Variants in FLT3 observed in about 807,000 individuals in gnomAD.
FLT3 encodes fms related receptor tyrosine kinase 3, also known as receptor-type tyrosine-protein kinase FLT3.
Under a neutral mutation model 126.6 loss-of-function variants are expected in FLT3, and 46 were observed. That is an observed-to-expected ratio of 0.36 (90% CI 0.29 to 0.46). The LOEUF (loss-of-function observed/expected upper bound fraction) is 0.46, where lower values mean the gene tolerates loss of function less well. Ranked by LOEUF, FLT3 falls within the 20% of genes least tolerant of loss-of-function variation. The probability of loss-of-function intolerance (pLI) is 1.00; values close to 1 mark genes in which losing one functional copy is unlikely to be tolerated. For synonymous variants in FLT3, 404 were observed against 434.4 expected (o/e 0.93, Z 0.87); for missense variants, 1,069 against 1,190.3 (o/e 0.90, Z 1.50).
chr13:28,023,691 C>T (rs1176057619), intron 18 of FLT3, among the ~76,000 whole-genome samples: 1 of 152,156 alleles, frequency 6.6e-6, no homozygotes, highest in African/African-American at 2.4e-5. Context: ...TTTGGAACTG[C>T]TTTGATGACC....
intron 1 of FLT3, among the ~76,000 whole-genome samples, chr13:28,071,990 C>T (rs1593288721): frequency 6.6e-6 from 1 of 152,066 alleles, no homozygotes; most frequent in Non-Finnish European, 1.5e-5. Context: ...TGCTTTAAAG[C>T]TCTCAAAGTT....
chr13:28,074,163 G>C (rs1877770210), intron 1 of FLT3, among the ~76,000 whole-genome samples: 1 of 151,914 alleles, frequency 6.6e-6, no homozygotes, highest in Admixed American at 6.6e-5. Context: ...AGTATGAACT[G>C]TTTTTTTATA....
intron 19 of FLT3, among the ~76,000 whole-genome samples, chr13:28,019,016 G>A (rs1872145680): frequency 3.4e-5 from 5 of 147,532 alleles, no homozygotes. Flanking sequence ...TCCCCAGGCT[G>A]GAGTGCAATG....
At chr13:28,008,242 G>C (rs1306851951) in intron 23 of FLT3, among the ~76,000 whole-genome samples, 1 of 113,820 alleles carries the variant, frequency 8.8e-6, no homozygotes, top group African/African-American at 3.4e-5. Context: ...TTGATTCCAG[G>C]AATTTGAGGC....
chr13:28,085,896 T>G (rs1878644746), intron 1 of FLT3, among the ~76,000 whole-genome samples: 1 of 152,162 alleles, frequency 6.6e-6, no homozygotes, highest in South Asian at 2.1e-4. Context: ...GCAGATCATT[T>G]GAGCCCAGGA....
At position 28,028,257 on chromosome 13, in the gene FLT3, G is replaced by A. The variant is rs1169217865; in HGVS notation, c.1974C>T (p.Leu658=). The A allele has an allele frequency of 1.2e-6, 2 of 1,605,760 alleles. No homozygotes were observed. The highest frequency in any genetic ancestry group is 1.3e-5 in the African/African-American group (1 of 74,750). The change falls in exon 16 of 24, where the codon CTC becomes CTT. Residue 658 remains leucine (L), a synonymous_variant. Coordinates refer to ENST00000241453, the MANE Select transcript of FLT3 (RefSeq NM_004119.3). The part of the protein sequence containing the change: ...EKADSSEREA[L]MSELKMMTQL... ...GGGTCATCATCTTGAGTTCTGACAT[G>A]AGTGCCTCTCTTTCAGAGCTGTCTG...
At chr13:28,034,803 A>G (rs891504505) in intron 12 of FLT3, among the ~76,000 whole-genome samples, 9 of 152,048 alleles carry the variant, frequency 5.9e-5, no homozygotes, top group Non-Finnish European at 2.9e-5. Context: ...AAAATTCAAA[A>G]ATTAGCTGGG....
In FLT3 at chr13:28,003,840, ATCAGCTCC is replaced by A; in HGVS notation, c.*204_*211del. 1 of 584,526 alleles carries A rather than the reference ATCAGCTCC, an allele frequency of 1.7e-6. No individual in the cohort carries two copies. The highest frequency in any genetic ancestry group is 3.0e-6 in the Non-Finnish European group (1 of 333,470). 36.2% of individuals were successfully genotyped at this position (584,526 alleles called of 1,614,324 possible). A position where few individuals can be genotyped will look rare whatever the true frequency, so the allele number is the denominator to read the frequency against. On this transcript the variant is annotated 3_prime_UTR_variant, in exon 24 of 24. Transcript: ENST00000241453. ...GATCAATGCTCCAATAAAGTTCATT[ATCAGCTCC>A]TCCTGCCTTGTGACAGGATGATTTG... is the stretch of plus-strand genomic sequence containing the variant.
chr13:28,021,241 T>G (rs549536120), intron 19 of FLT3, among the ~76,000 whole-genome samples: 1 of 152,092 alleles, frequency 6.6e-6, no homozygotes, highest in South Asian at 2.1e-4. Context: ...TACAAAAAAA[T>G]TAGCCAGGTG....
chr13:28,012,138 T>G (rs1457628232), intron 23 of FLT3, among the ~76,000 whole-genome samples: 3 of 152,176 alleles, frequency 2.0e-5, no homozygotes, highest in Non-Finnish European at 4.4e-5. Context: ...TACCATTTTC[T>G]CTGGGTGCTT....
chr13:28,018,723 A>C, intron 19 of FLT3, 134 bp from the exon 20 acceptor site: 2 of 878,038 alleles, frequency 2.3e-6, no homozygotes, highest in Non-Finnish European at 3.5e-6. Flanking sequence ...CTGTGCCGTG[A>C]GCGGCCATGA....
At chr13:28,021,307 T>C (rs778189807) in intron 19 of FLT3, among the ~76,000 whole-genome samples, 2 of 152,134 alleles carry the variant, frequency 1.3e-5, no homozygotes, top group Non-Finnish European at 2.9e-5. Context: ...GGAGGATCGC[T>C]TGAACCTGGG....
At chr13:28,056,189 G>A (rs1419446762) in intron 4 of FLT3, among the ~76,000 whole-genome samples, 1 of 152,146 alleles carries the variant, frequency 6.6e-6, no homozygotes, top group Admixed American at 6.5e-5. Context: ...GCAGTGTGGT[G>A]CAGAAAGCCT....
chr13:28,044,201 C>A (rs1874654533), intron 9 of FLT3, among the ~76,000 whole-genome samples: 1 of 149,516 alleles, frequency 6.7e-6, no homozygotes, highest in South Asian at 2.1e-4. Context: ...GTAATCCCAG[C>A]ACTTTGGCAG....
chr13:28,004,189 G>A lies in FLT3; in HGVS notation c.2860-15C>T, dbSNP rs376024436. On this transcript the variant is annotated splice_polypyrimidine_tract_variant and intron_variant, in intron 23 of 23. Transcript: ENST00000241453. Reference sequence around the variant, plus strand: ...TTCTGATACATCTGAATGTGGGAAAGAGACAGAACACTGATTACCATCTGA... The same window carrying A: ...TTCTGATACATCTGAATGTGGGAAAAAGACAGAACACTGATTACCATCTGA... 1 of 1,613,656 alleles carries A rather than the reference G, an allele frequency of 6.2e-7. No individual in the cohort carries two copies. The highest frequency in any genetic ancestry group is 1.7e-5 in the Admixed American group (1 of 60,010).
At chr13:28,047,020 A>G (rs1446947969) in intron 9 of FLT3, among the ~76,000 whole-genome samples, 3 of 152,154 alleles carry the variant, frequency 2.0e-5, no homozygotes, top group Non-Finnish European at 4.4e-5. Context: ...AGCTCTCAAT[A>G]GCCACATGTG....
chr13:28,082,962 T>C (rs1463558096), intron 1 of FLT3, among the ~76,000 whole-genome samples: 1 of 151,304 alleles, frequency 6.6e-6, no homozygotes, highest in Non-Finnish European at 1.5e-5. Context: ...CACTTTGGCC[T>C]CCCAAAGTGC....
chr13:28,060,403 C>CA (rs568856947), intron 3 of FLT3, among the ~76,000 whole-genome samples: 1,285 of 105,568 alleles, frequency 0.012, 22 homozygotes, highest in African/African-American at 0.045. Flanking sequence ...TCCTGGGAGA[C>CA]AGAGCAAAAC....
intron 3 of FLT3, among the ~76,000 whole-genome samples, chr13:28,058,681 T>C (rs578150487): frequency 6.6e-6 from 1 of 152,338 alleles, no homozygotes; most frequent in South Asian, 2.1e-4. Context: ...ATCTGCATTT[T>C]AAACAAGATC....
Sources: gnomAD v4.1 joint callset for allele counts (sites outside exome capture counted in the v4.1 genomes callset) on GRCh38, gnomAD v4.1.1 for gene constraint, MANE v1.5 for transcripts, NCBI Gene and HGNC (gene_info 2026-07-23, HGNC 2026-07-21) for gene names.